The following DPY19L2 variants were observed in gnomAD, a reference collection of about 807,000 sequenced individuals.
DPY19L2 encodes dpy-19 like 2.
A neutral mutation model predicts 97.9 loss-of-function variants in DPY19L2; 34 were observed. The ratio of observed to expected loss-of-function variants is 0.35; its 90% CI spans 0.26 to 0.46. The LOEUF is 0.46. Ranked by LOEUF, DPY19L2 falls within the 20% of genes least tolerant of loss-of-function variation. The pLI, the probability that DPY19L2 is intolerant of heterozygous loss-of-function variation, is 1.00. For synonymous variants in DPY19L2, 230 were observed against 307.9 expected (o/e 0.75, Z 2.65); for missense variants, 623 against 911.4 (o/e 0.68, Z 4.07).
intron 4 of DPY19L2, among the ~76,000 whole-genome samples, chr12:63,655,836 T>C (rs1462918537): frequency 3.3e-5 from 5 of 152,142 alleles, no homozygotes; most frequent in African/African-American, 1.2e-4. Context: ...GCTAATCTTT[T>C]GTCAGCACCT....
At chr12:63,561,520 G>T (rs1413295330) in intron 21 of DPY19L2, among the ~76,000 whole-genome samples, 5 of 151,924 alleles carry the variant, frequency 3.3e-5, no homozygotes, top group Non-Finnish European at 5.9e-5. Flanking sequence ...ATATTATGTA[G>T]TCTTTTCATT....
intron 11 of DPY19L2, among the ~76,000 whole-genome samples, chr12:63,611,635 C>T (rs2137686135): frequency 6.6e-6 from 1 of 152,154 alleles, no homozygotes. Flanking sequence ...ACTACAATGA[C>T]TTAAAAGAGA....
At chr12:63,636,205 T>A (rs1048470039) in intron 6 of DPY19L2, among the ~76,000 whole-genome samples, 10 of 151,930 alleles carry the variant, frequency 6.6e-5, no homozygotes, top group Non-Finnish European at 1.2e-4. Context: ...AGAAATAAAA[T>A]CCTTTACAGA....
At chr12:63,569,099 G>T in intron 21 of DPY19L2, 125 bp downstream of exon 21, 2 of 1,064,240 alleles carry the variant, frequency 1.9e-6, no homozygotes, top group Non-Finnish European at 2.5e-6. Context: ...TTAAACTAAG[G>T]TACCAGGATA....
At chr12:63,636,982 A>T (rs114468331) in intron 6 of DPY19L2, among the ~76,000 whole-genome samples, 2,477 of 152,258 alleles carry the variant, frequency 0.016, 73 homozygotes, top group African/African-American at 0.055. Flanking sequence ...CAAAATATAC[A>T]TTCTTCTCAG....
chr12:63,563,698 T>C (rs1877081334), intron 21 of DPY19L2, among the ~76,000 whole-genome samples: 1 of 152,174 alleles, frequency 6.6e-6, no homozygotes, highest in African/African-American at 2.4e-5. Context: ...TATGTGTTCA[T>C]GATAAATTTT....
intron 3 of DPY19L2, among the ~76,000 whole-genome samples, chr12:63,662,220 T>G (rs1005291352): frequency 6.6e-6 from 1 of 152,096 alleles, no homozygotes; most frequent in Non-Finnish European, 1.5e-5. Context: ...TTGCTTTCAC[T>G]CCTAAAATCT....
chr12:63,668,768 G>C, upstream of DPY19L2: 1 of 254,480 alleles, frequency 3.9e-6, no homozygotes, highest in South Asian at 5.5e-5. Context: ...CTTGCGCGCA[G>C]CCCCATGTAC....
At chr12:63,635,228 T>A (rs980869970) in intron 6 of DPY19L2, among the ~76,000 whole-genome samples, 2 of 151,998 alleles carry the variant, frequency 1.3e-5, no homozygotes, top group African/African-American at 2.4e-5. Flanking sequence ...GTCCTGACTG[T>A]TAGAAGGAAA....
At chr12:63,629,823 C>T (rs1156577148) in intron 6 of DPY19L2, among the ~76,000 whole-genome samples, 2 of 152,154 alleles carry the variant, frequency 1.3e-5, no homozygotes, top group Non-Finnish European at 2.9e-5. Flanking sequence ...AGAGAAAGGT[C>T]AGGTTACCCA....
intron 19 of DPY19L2, among the ~76,000 whole-genome samples, chr12:63,571,335 C>T (rs769882702): frequency 6.6e-6 from 1 of 152,144 alleles, no homozygotes; most frequent in Non-Finnish European, 1.5e-5. Flanking sequence ...AGAGACACAG[C>T]CAAGTTAAGT....
intron 19 of DPY19L2, among the ~76,000 whole-genome samples, chr12:63,579,203 G>A (rs912579317): frequency 6.6e-6 from 1 of 152,144 alleles, no homozygotes; most frequent in African/African-American, 2.4e-5. Flanking sequence ...ATACAGATTA[G>A]AAAAAGGTAT....
intron 6 of DPY19L2, among the ~76,000 whole-genome samples, chr12:63,635,790 A>G (rs1464976784): frequency 2.0e-5 from 3 of 152,208 alleles, no homozygotes; most frequent in Admixed American, 6.5e-5. Context: ...AAAAGACCAA[A>G]TCTACGGCTG....
chr12:63,633,699 C>T lies in DPY19L2; in HGVS notation c.804-7173G>A, dbSNP rs150501096. On this transcript the variant is annotated intron_variant, in intron 6 of 21. Transcript: ENST00000324472. ...GAAGTAGAAATACCGTTTGACCCAG[C>T]CATCCCATTACTGGGTATATACCCA... Among the ~76,000 whole-genome samples, 399 of 152,230 alleles carry T rather than the reference C, an allele frequency of 2.6e-3. 3 individuals carry two copies. The highest frequency in any genetic ancestry group is 9.1e-3 in the African/African-American group (376 of 41,524).
intron 12 of DPY19L2, among the ~76,000 whole-genome samples, chr12:63,604,789 G>A (rs1302495917): frequency 6.6e-6 from 1 of 152,040 alleles, no homozygotes; most frequent in Non-Finnish European, 1.5e-5. Flanking sequence ...TATGATGACT[G>A]CTTTAAAACC....
chr12:63,658,177 C>G (rs1165297931), intron 4 of DPY19L2, among the ~76,000 whole-genome samples: 1 of 152,026 alleles, frequency 6.6e-6, no homozygotes, highest in African/African-American at 2.4e-5. Context: ...TGTATTAGCC[C>G]TTTATCTGTG....
In DPY19L2 at chr12:63,668,058, G is replaced by C; in HGVS notation, c.336C>G (p.Ile112Met). Residue 112 changes from isoleucine (I) to methionine (M), a missense_variant and splice_region_variant, in exon 1 of 22, where the codon ATC (isoleucine) becomes ATG (methionine). Transcript: ENST00000324472. ...RRFSSRTTLGIAVFVAILHWL... is the reference protein window; with the variant it reads ...RRFSSRTTLGMAVFVAILHWL... ...AGGGCTCTCCTGCCCTCTCCTCACC[G>C]ATGCCGAGAGTGGTTCTGCTGGAGA... 6.2e-7 allele frequency: 1 copy of C among 1,613,388 alleles called. No homozygotes were observed. Among genetic ancestry groups the C allele is most frequent in the South Asian group, 1.1e-5 (1 of 90,986 alleles).
intron 1 of DPY19L2, among the ~76,000 whole-genome samples, chr12:63,667,771 G>T (rs1278441248): frequency 6.6e-6 from 1 of 151,820 alleles, no homozygotes; most frequent in African/African-American, 2.4e-5. Context: ...TCCTCTCTTG[G>T]AATCTTAATC....
intron 15 of DPY19L2, 112 bp downstream of exon 15, chr12:63,595,853 CT>C (rs1884133874): frequency 4.0e-6 from 4 of 1,008,944 alleles, no homozygotes; most frequent in Non-Finnish European, 5.7e-6. Context: ...AAAAAGCAAA[CT>C]TTTAGAGAGA....
Sources: gnomAD v4.1 joint callset for allele counts (sites outside exome capture counted in the v4.1 genomes callset) on GRCh38, gnomAD v4.1.1 for gene constraint, MANE v1.5 for transcripts, NCBI Gene and HGNC (gene_info 2026-07-23, HGNC 2026-07-21) for gene names.